CSTPP1: variants seen among roughly 807,000 people sequenced by gnomAD.
CSTPP1 encodes centriolar satellite-associated tubulin polyglutamylase complex regulator 1.
At chr11:46,939,082 CTTTTTT>C in the CSTPP1 span, among the ~76,000 whole-genome samples, 1 of 84,744 alleles carries the variant, frequency 1.2e-5, no homozygotes, top group Admixed American at 1.4e-4. Context: ...TGGCTTACAT[CTTTTTT>C]TTTTTTTTTT....
the CSTPP1 span, among the ~76,000 whole-genome samples, chr11:47,002,331 G>A: frequency 6.6e-6 from 1 of 152,176 alleles, no homozygotes; most frequent in South Asian, 2.1e-4. Flanking sequence ...GTATGCTATA[G>A]CAAAAAGACT....
chr11:47,124,568 T>C, the CSTPP1 span, among the ~76,000 whole-genome samples: 23 of 152,356 alleles, frequency 1.5e-4, 1 homozygote, highest in Non-Finnish European at 2.9e-4. Context: ...TTACTTAGTC[T>C]ATCCTATATA....
At chr11:47,121,209 A>C in the CSTPP1 span, among the ~76,000 whole-genome samples, 1 of 152,186 alleles carries the variant, frequency 6.6e-6, no homozygotes, top group Non-Finnish European at 1.5e-5. Context: ...GTTAATGCCT[A>C]ATTATAGTTC....
the CSTPP1 span, among the ~76,000 whole-genome samples, chr11:47,016,390 C>CAAAAAAAAAAAAAAAAAAAAAAAAAAAA: frequency 7.9e-6 from 1 of 125,848 alleles, no homozygotes; most frequent in African/African-American, 2.9e-5. Context: ...ATGGAATCTA[C>CAAAAAAAAAAAAAAAAAAAAAAAAAAAA]AAAAAACAAA....
chr11:46,941,044 G>C, the CSTPP1 span, among the ~76,000 whole-genome samples: 1 of 152,162 alleles, frequency 6.6e-6, no homozygotes, highest in Non-Finnish European at 1.5e-5. Context: ...CAGAGTCTCA[G>C]GTTGGTTGAA....
the CSTPP1 span, among the ~76,000 whole-genome samples, chr11:47,147,799 GT>G: frequency 6.6e-6 from 1 of 152,058 alleles, no homozygotes; most frequent in Non-Finnish European, 1.5e-5. Context: ...GAATGTCTGC[GT>G]TCTCCATAAA....
At chr11:47,096,964 C>G in the CSTPP1 span, among the ~76,000 whole-genome samples, 2 of 152,230 alleles carry the variant, frequency 1.3e-5, no homozygotes, top group South Asian at 2.1e-4. Flanking sequence ...GAGTACTTAA[C>G]GATAGCCCTT....
chr11:46,936,969 C>G, the CSTPP1 span: 10 of 1,038,042 alleles, frequency 9.6e-6, no homozygotes, highest in South Asian at 1.3e-4. Flanking sequence ...TGGGGAGGGG[C>G]GGAGAGGCGG....
the CSTPP1 span, among the ~76,000 whole-genome samples, chr11:47,092,839 T>C: frequency 6.6e-6 from 1 of 152,170 alleles, no homozygotes; most frequent in African/African-American, 2.4e-5. Context: ...CCCCTTACAA[T>C]TTTGTTTTCA....
At chr11:46,952,432 T>C in the CSTPP1 span, among the ~76,000 whole-genome samples, 1 of 152,216 alleles carries the variant, frequency 6.6e-6, no homozygotes, top group East Asian at 1.9e-4. Flanking sequence ...TAATGGACAG[T>C]CGTGTGCAAG....
the CSTPP1 span, among the ~76,000 whole-genome samples, chr11:47,150,029 C>T: frequency 1.3e-5 from 2 of 152,060 alleles, no homozygotes; most frequent in Admixed American, 1.3e-4. Flanking sequence ...AGTTGGGTCT[C>T]AGCCTTCACT....
chr11:47,091,392 A>G, the CSTPP1 span, among the ~76,000 whole-genome samples: 1 of 151,928 alleles, frequency 6.6e-6, no homozygotes, highest in African/African-American at 2.4e-5. Flanking sequence ...AAAAAATTTT[A>G]CCTAACATTG....
chr11:47,122,854 C>T, the CSTPP1 span, among the ~76,000 whole-genome samples: 1 of 152,194 alleles, frequency 6.6e-6, no homozygotes, highest in Admixed American at 6.5e-5. Context: ...GCTGGGATTA[C>T]AGGCATGAGC....
the CSTPP1 span, chr11:47,155,197 C>T: frequency 7.4e-6 from 12 of 1,613,826 alleles, no homozygotes; most frequent in South Asian, 1.1e-5. Flanking sequence ...TGGACGATGC[C>T]ATGGACTGCT....
the CSTPP1 span, chr11:47,161,512 G>A: frequency 1.9e-6 from 3 of 1,614,138 alleles, no homozygotes; most frequent in East Asian, 6.7e-5. Flanking sequence ...CCAGTCCAGA[G>A]GCCAGTTGCC....
At chr11:46,956,274 A>G in the CSTPP1 span, among the ~76,000 whole-genome samples, 34 of 152,224 alleles carry the variant, frequency 2.2e-4, no homozygotes, top group Non-Finnish European at 4.1e-4. Flanking sequence ...CAAGATCCCC[A>G]CTTTAAGAAG....
chr11:47,130,619 G>C, the CSTPP1 span: 1 of 145,568 alleles, frequency 6.9e-6, no homozygotes, highest in Non-Finnish European at 1.5e-5. Flanking sequence ...GAGTGAAGTC[G>C]TCAGATGTCT....
the CSTPP1 span, chr11:47,157,773 A>C: frequency 1.3e-6 from 2 of 1,588,434 alleles, no homozygotes; most frequent in Non-Finnish European, 1.7e-6. Context: ...GGTGGCCCTG[A>C]GGCTGGCTAG....
chr11:47,056,181 C>A, the CSTPP1 span, among the ~76,000 whole-genome samples: 1 of 152,144 alleles, frequency 6.6e-6, no homozygotes, highest in African/African-American at 2.4e-5. Flanking sequence ...TACAGGGCTT[C>A]ATATCCCTAG....
Sources: allele counts gnomAD v4.1 joint callset (sites outside exome capture counted in the v4.1 genomes callset), GRCh38; gene constraint gnomAD v4.1.1; transcripts MANE v1.5; gene names NCBI Gene and HGNC (gene_info 2026-07-23, HGNC 2026-07-21).